Variants in RORB observed in about 807,000 individuals in gnomAD.
RORB encodes nuclear receptor ROR-beta.
A neutral mutation model predicts 59.1 loss-of-function variants in RORB; 6 were observed. The observed-to-expected ratio is 0.10, with a 90% CI of 0.06 to 0.20. The LOEUF (loss-of-function observed/expected upper bound fraction) is 0.20, where lower values mean the gene tolerates loss of function less well. RORB is among the 10% of genes least tolerant of loss of function. The pLI, the probability that RORB is intolerant of heterozygous loss-of-function variation, is 1.00. For synonymous variants in RORB, 215 were observed against 204.5 expected (o/e 1.05, Z -0.44); for missense variants, 320 against 560.5 (o/e 0.57, Z 4.33).
intron 1 of RORB, among the ~76,000 whole-genome samples, chr9:74,589,224 G>A (rs1359716146): frequency 6.6e-6 from 1 of 152,184 alleles, no homozygotes; most frequent in East Asian, 1.9e-4. Context: ...AAGACAGAAA[G>A]TGGAATTAAG....
chr9:74,674,161 T>G (rs72614685), intron 9 of RORB, among the ~76,000 whole-genome samples: 4 of 152,164 alleles, frequency 2.6e-5, no homozygotes, highest in Non-Finnish European at 5.9e-5. Context: ...AGGAATATTT[T>G]ATTTAAATGT....
At chr9:74,630,448 A>T in intron 2 of RORB, 81 bp downstream of exon 2, 2 of 975,994 alleles carry the variant, frequency 2.0e-6, no homozygotes, top group Non-Finnish European at 2.9e-6. Context: ...CACGTTTTTA[A>T]GGAAGGCTGG....
At chr9:74,599,287 G>A (rs1387243041) in intron 1 of RORB, among the ~76,000 whole-genome samples, 3 of 151,698 alleles carry the variant, frequency 2.0e-5, no homozygotes, top group African/African-American at 7.3e-5. Flanking sequence ...GCAAGACATT[G>A]GACTCCCAAC....
In RORB at chr9:74,665,382, T is replaced by C. The variant is rs147778860; in HGVS notation, c.893-106T>C. 316 of 557,192 alleles carry C rather than the reference T, an allele frequency of 5.7e-4. 4 individuals are homozygous for C. The East Asian group carries it at 9.4e-3, about 17-fold the overall frequency. 34.5% of individuals were successfully genotyped at this position (557,192 alleles called of 1,614,324 possible). A position where few individuals can be genotyped will look rare whatever the true frequency, so the allele number is the denominator to read the frequency against. ...TGTGTGTATGTGTCTCTCTGTGTGT[T>C]TTAAAGTTCTTGAAAGTCTCTTACC... On this transcript the variant is annotated intron_variant, in intron 6 of 9. Transcript: ENST00000376896.
At position 74,690,539 on chromosome 9, in the gene RORB, C is replaced by G. The variant is rs1247521474; in HGVS notation, c.*4921C>G. ...TAGTGCAGACCAAACAAATACATCA[C>G]TGAGCAGAAGAGGGCCCATAGATCG... On this transcript the variant is annotated 3_prime_UTR_variant, in exon 10 of 10. Coordinates refer to ENST00000376896, the MANE Select transcript of RORB (RefSeq NM_006914.4). 1 of 152,190 alleles carries G rather than the reference C, an allele frequency of 6.6e-6. No homozygotes were observed. Among genetic ancestry groups the G allele is most frequent in the Non-Finnish European group, 1.5e-5 (1 of 68,034 alleles). 9.4% of individuals were successfully genotyped at this position (152,190 alleles called of 1,614,324 possible). A position where few individuals can be genotyped will look rare whatever the true frequency, so the allele number is the denominator to read the frequency against.
At chr9:74,540,840 T>C (rs1438652286) in intron 1 of RORB, among the ~76,000 whole-genome samples, 1 of 152,174 alleles carries the variant, frequency 6.6e-6, no homozygotes, top group East Asian at 1.9e-4. Flanking sequence ...AAAAGTGAGA[T>C]TGCAGAATTG....
chr9:74,521,995 CT>C (rs1826091445), intron 1 of RORB, among the ~76,000 whole-genome samples: 1 of 151,744 alleles, frequency 6.6e-6, no homozygotes, highest in African/African-American at 2.4e-5. Flanking sequence ...GGCCTTGGTT[CT>C]GTTCTTATTT....
chr9:74,689,876 C>A lies in RORB; in HGVS notation c.*4258C>A, dbSNP rs1318157555. On this transcript the variant is annotated 3_prime_UTR_variant, in exon 10 of 10. Coordinates refer to ENST00000376896, the MANE Select transcript of RORB (RefSeq NM_006914.4). Reference sequence around the variant, plus strand: ...AATAATGGCAGTGTTGTTCTATGTTCTTTGTTTCTGTTCATTATAGAAGCA... The same window carrying A: ...AATAATGGCAGTGTTGTTCTATGTTATTTGTTTCTGTTCATTATAGAAGCA... The A allele has an allele frequency of 6.6e-6, 1 of 152,142 alleles. No individual in the cohort carries two copies. The highest frequency in any genetic ancestry group is 1.5e-5 in the Non-Finnish European group (1 of 68,022). 9.4% of individuals were successfully genotyped at this position (152,142 alleles called of 1,614,324 possible).
intron 1 of RORB, among the ~76,000 whole-genome samples, chr9:74,596,734 C>T (rs1020331882): frequency 3.3e-5 from 5 of 152,138 alleles, no homozygotes; most frequent in Non-Finnish European, 5.9e-5. Flanking sequence ...GCTTCCCCTG[C>T]TTATTGGTAA....
chr9:74,671,714 C>A, intron 8 of RORB, 75 bp from the exon 9 acceptor site: 1 of 795,332 alleles, frequency 1.3e-6, no homozygotes, highest in Non-Finnish European at 2.1e-6. Context: ...GGGTCTGAAG[C>A]TTGGCACTTA....
At chr9:74,511,505 G>A (rs1825938768) in intron 1 of RORB, among the ~76,000 whole-genome samples, 1 of 151,416 alleles carries the variant, frequency 6.6e-6, no homozygotes, top group South Asian at 2.1e-4. Flanking sequence ...TCAAAGTGTG[G>A]GAGGCACAGT....
chr9:74,525,984 T>C (rs1432904171), intron 1 of RORB, among the ~76,000 whole-genome samples: 1 of 151,982 alleles, frequency 6.6e-6, no homozygotes, highest in Admixed American at 6.6e-5. Flanking sequence ...ACAGTCACTT[T>C]AAGAAAAAAT....
intron 1 of RORB, among the ~76,000 whole-genome samples, chr9:74,525,226 G>C (rs1826140409): frequency 6.6e-6 from 1 of 151,832 alleles, no homozygotes. Context: ...TCACTACTGT[G>C]GCTTATTAAT....
intron 1 of RORB, among the ~76,000 whole-genome samples, chr9:74,613,902 A>G (rs1379628555): frequency 6.6e-6 from 1 of 152,154 alleles, no homozygotes; most frequent in Admixed American, 6.5e-5. Flanking sequence ...TTTAAAGGTC[A>G]TGATTTTATT....
chr9:74,605,116 G>A (rs1054544958), intron 1 of RORB, among the ~76,000 whole-genome samples: 1 of 152,128 alleles, frequency 6.6e-6, no homozygotes, highest in Admixed American at 6.5e-5. Context: ...GGAAATGAGA[G>A]TTTAATATGT....
In RORB at chr9:74,642,814, C is replaced by T. The variant is rs267602266; in HGVS notation, c.636C>T (p.Ile212=). 6 of 1,581,644 alleles carry T rather than the reference C, an allele frequency of 3.8e-6. No individual in the cohort carries two copies. Among genetic ancestry groups the T allele is most frequent in the Admixed American group, 1.7e-5 (1 of 57,608 alleles). The change falls in exon 4 of 10, where the codon ATC becomes ATT. Residue 212 remains isoleucine, a splice_region_variant and synonymous_variant. Coordinates refer to ENST00000376896, the MANE Select transcript of RORB (RefSeq NM_006914.4). ...CACCAGGGATAACCATGACTGAAAT[C>T]GGTAAGTGGAAGTCTCCTCCCAGTG... The part of the protein sequence containing the change: ...QLAPGITMTE[I]DRIAQNIIKS...
chr9:74,652,530 T>C (rs114547812), intron 4 of RORB, among the ~76,000 whole-genome samples: 13 of 152,356 alleles, frequency 8.5e-5, no homozygotes, highest in Non-Finnish European at 1.6e-4. Context: ...TCTGATTTTT[T>C]AATTTTTTTT....
At position 74,497,749 on chromosome 9, in the gene RORB, A is replaced by T. The variant is rs1825733012; in HGVS notation, c.-228A>T. ...CCTTCCTGAAAACAAACAAACAAAC[A>T]AACAATCATCAAAACAGTCACCACC... On this transcript the variant is annotated 5_prime_UTR_variant, in exon 1 of 10. Transcript: ENST00000376896. 4.0e-6 allele frequency: 2 copies of T among 501,834 alleles called. No individual in the cohort carries two copies. Among genetic ancestry groups the T allele is most frequent in the Admixed American group, 6.5e-5 (2 of 30,946 alleles). The allele number at this position is 501,834 out of a possible 1,614,324, so 31.1% of individuals were successfully genotyped here. A position where few individuals can be genotyped will look rare whatever the true frequency, so the allele number is the denominator to read the frequency against.
Position 74,642,773 on chromosome 9 carries a change from A to G in RORB, c.595A>G (p.Asn199Asp). The G allele has an allele frequency of 6.2e-7, 1 of 1,609,028 alleles. No homozygotes were observed. The highest frequency in any genetic ancestry group is 8.5e-7 in the Non-Finnish European group (1 of 1,176,170). The change falls in exon 4 of 10, where the codon AAC becomes GAC. Residue 199 changes from asparagine to aspartate, a missense_variant. This residue lies in a region of RORB where 134 missense variants were observed against 156.2 expected (regional missense o/e 0.86). Transcript: ENST00000376896. ...VPNLFTYSSF[N>D]NGQLAPGITM... ...CAACTTGTTTACCTATAGCTCTTTC[A>G]ACAATGGGCAGTTAGCACCAGGGAT...
Sources: allele counts gnomAD v4.1 joint callset (sites outside exome capture counted in the v4.1 genomes callset), GRCh38; gene constraint gnomAD v4.1.1; regional missense constraint gnomAD v4.1.1; transcripts MANE v1.5; gene names NCBI Gene and HGNC (gene_info 2026-07-23, HGNC 2026-07-21).